The following CCDC92 variants were observed in gnomAD, a reference collection of about 807,000 sequenced individuals.
CCDC92 encodes coiled-coil domain containing 92.
In CCDC92, 12 loss-of-function variants were observed where a neutral mutation model predicts 24.9. That is an observed-to-expected ratio of 0.48 (90% CI 0.31 to 0.78). The LOEUF is 0.78. Ranked by LOEUF, CCDC92 falls within the 30% of genes least tolerant of loss-of-function variation. CCDC92 has a pLI of 0.05. For missense variants in CCDC92, 399 were observed against 439.4 expected (o/e 0.91, Z 0.82); for synonymous variants, 193 against 196.3 (o/e 0.98, Z 0.14).
At chr12:123,969,219 C>A (rs1044550326) in intron 1 of CCDC92, among the ~76,000 whole-genome samples, 1 of 152,168 alleles carries the variant, frequency 6.6e-6, no homozygotes. Flanking sequence ...AAACACAAAG[C>A]TCCAATTCCC....
At chr12:123,957,508 C>T (rs1476469439) in intron 1 of CCDC92, among the ~76,000 whole-genome samples, 3 of 152,128 alleles carry the variant, frequency 2.0e-5, no homozygotes, top group African/African-American at 7.2e-5. Flanking sequence ...AGGGTGGTAA[C>T]AGCAATCATG....
At chr12:123,964,978 T>C (rs1956357708) in intron 1 of CCDC92, among the ~76,000 whole-genome samples, 1 of 152,198 alleles carries the variant, frequency 6.6e-6, no homozygotes, top group Non-Finnish European at 1.5e-5. Flanking sequence ...TAAAAACTGA[T>C]AAAGAAATTA....
At chr12:123,950,975 C>G (rs1195680318) in intron 1 of CCDC92, among the ~76,000 whole-genome samples, 1 of 152,146 alleles carries the variant, frequency 6.6e-6, no homozygotes, top group African/African-American at 2.4e-5. Context: ...TGGGTCCCCT[C>G]GGGGCTGGTG....
intron 1 of CCDC92, chr12:123,968,395 G>A (rs377695881): frequency 2.6e-5 from 4 of 152,278 alleles, no homozygotes; most frequent in African/African-American, 9.6e-5. Flanking sequence ...AAGCTTTAAA[G>A]TGCAACCTTT....
chr12:123,941,991 G>A (rs1180437922), intron 4 of CCDC92, among the ~76,000 whole-genome samples: 1 of 152,234 alleles, frequency 6.6e-6, no homozygotes, highest in Non-Finnish European at 1.5e-5. Context: ...TCTGCAGAAA[G>A]TAAACTAGCC....
intron 1 of CCDC92, chr12:123,966,319 T>TA (rs1327191734): frequency 6.6e-6 from 1 of 152,218 alleles, no homozygotes; most frequent in African/African-American, 2.4e-5. Flanking sequence ...CCTATAAATG[T>TA]AACCATGAGA....
chr12:123,957,288 G>A (rs1474741597), intron 1 of CCDC92, among the ~76,000 whole-genome samples: 1 of 152,234 alleles, frequency 6.6e-6, no homozygotes, highest in Admixed American at 6.5e-5. Flanking sequence ...AAGCCTACTG[G>A]CCAGTCAGGA....
intron 1 of CCDC92, among the ~76,000 whole-genome samples, chr12:123,951,929 C>T (rs1956036231): frequency 6.6e-6 from 1 of 152,176 alleles, no homozygotes; most frequent in South Asian, 2.1e-4. Flanking sequence ...ATCCAACACC[C>T]CTTTGTTTCA....
intron 1 of CCDC92, among the ~76,000 whole-genome samples, chr12:123,967,137 G>A (rs1339243487): frequency 2.0e-5 from 3 of 152,044 alleles, no homozygotes; most frequent in Non-Finnish European, 4.4e-5. Flanking sequence ...ACATTGCAGA[G>A]GCTGAGGAGG....
intron 1 of CCDC92, among the ~76,000 whole-genome samples, chr12:123,954,644 T>C (rs1446601447): frequency 6.6e-6 from 1 of 152,264 alleles, no homozygotes; most frequent in African/African-American, 2.4e-5. Flanking sequence ...GATGAGGGCT[T>C]GGCTTTTCTG....
intron 1 of CCDC92, among the ~76,000 whole-genome samples, chr12:123,969,461 GTTTTTTTTTTTTTT>G (rs60485501): frequency 1.1e-5 from 1 of 93,058 alleles, no homozygotes; most frequent in Admixed American, 1.2e-4. Context: ...CTCTTATTCA[GTTTTTTTTTTTTTT>G]TTTTTTTTTT....
At chr12:123,943,565 G>T in intron 2 of CCDC92, 72 bp from the exon 3 acceptor site, 1 of 1,540,088 alleles carries the variant, frequency 6.5e-7, no homozygotes. Context: ...CTTGGCTCTG[G>T]GTGCAGAGGG....
intron 1 of CCDC92, among the ~76,000 whole-genome samples, chr12:123,967,087 G>A (rs1265582249): frequency 6.6e-6 from 1 of 151,996 alleles, no homozygotes; most frequent in Non-Finnish European, 1.5e-5. Flanking sequence ...AAACTGACTT[G>A]ACCGCTTTAT....
chr12:123,969,905 T>C (rs1024856719), intron 1 of CCDC92: 2 of 152,156 alleles, frequency 1.3e-5, no homozygotes, highest in Admixed American at 6.5e-5. Context: ...GTAATTTTCC[T>C]CTTGATTCAA....
chr12:123,958,915 C>G (rs2138116481), intron 1 of CCDC92, among the ~76,000 whole-genome samples: 1 of 152,308 alleles, frequency 6.6e-6, no homozygotes, highest in East Asian at 1.9e-4. Context: ...TGTTAGCTGA[C>G]TTTAAAAGCA....
chr12:123,947,922 G>A (rs936376792), intron 1 of CCDC92, among the ~76,000 whole-genome samples: 1 of 152,206 alleles, frequency 6.6e-6, no homozygotes. Flanking sequence ...GCGAAGGTCT[G>A]CAGCTTCACT....
At position 123,937,818 on chromosome 12, in the gene CCDC92, G is replaced by A; in HGVS notation, c.236C>T (p.Ser79Phe). The change falls in exon 5 of 5, where the codon TCT (serine) becomes TTT (phenylalanine). Residue 79 changes from serine (S) to phenylalanine (F), a missense_variant. Physicochemically the swap from Ser to Phe is radical, Grantham distance 155. Transcript: ENST00000238156. This position sits in a 1 kb window ranked among gnomAD's most constrained non-coding sequence, Gnocchi z 8.4. ...KSSEQTGDGT[S>F]KSSELKKRCE... ...TCTTTTCTTTAATTCACTGCTTTTA[G>A]AAGTCCCGTCTCCTACAAGAATAAG... 6.2e-7 allele frequency: 1 copy of A among 1,608,032 alleles called. No individual in the cohort carries two copies. The highest frequency in any genetic ancestry group is 8.5e-7 in the Non-Finnish European group (1 of 1,178,916).
chr12:123,971,092 T>A (rs1318151741), intron 1 of CCDC92, among the ~76,000 whole-genome samples: 2 of 152,246 alleles, frequency 1.3e-5, no homozygotes, highest in African/African-American at 4.8e-5. Flanking sequence ...TTAAAATGTG[T>A]CACAGTAAAA....
intron 1 of CCDC92, among the ~76,000 whole-genome samples, chr12:123,958,670 G>A (rs1228058649): frequency 2.6e-5 from 4 of 152,164 alleles, no homozygotes; most frequent in Non-Finnish European, 1.5e-5. Flanking sequence ...TGACCTCCCT[G>A]GCGTCACTGA....
Sources: gnomAD v4.1 joint callset for allele counts (sites outside exome capture counted in the v4.1 genomes callset) on GRCh38, gnomAD v4.1.1 for gene constraint, Gnocchi (gnomAD v3.1) non-coding constraint, MANE v1.5 for transcripts, NCBI Gene and HGNC (gene_info 2026-07-23, HGNC 2026-07-21) for gene names.